UBE3D: variants seen among roughly 807,000 people sequenced by gnomAD.
UBE3D encodes the protein E3 ubiquitin-protein ligase E3D.
In UBE3D, 48 loss-of-function variants were observed where a neutral mutation model predicts 49.6. The ratio of observed to expected loss-of-function variants is 0.97; its 90% confidence interval spans 0.77 to 1.23. The LOEUF (loss-of-function observed/expected upper bound fraction) is 1.23. UBE3D is among the 50% of genes most tolerant of loss of function. The probability of loss-of-function intolerance (pLI) is 0.00; values close to 1 mark genes in which losing one functional copy is unlikely to be tolerated. For missense variants in UBE3D, 452 were observed against 468.4 expected (o/e 0.96, Z 0.32); for synonymous variants, 189 against 174.2 (o/e 1.08, Z -0.67).
chr6:82,887,389 G>GTTTTTTTTTT, the UBE3D span, among the ~76,000 whole-genome samples: 1 of 98,330 alleles, frequency 1.0e-5, no homozygotes, highest in African/African-American at 5.1e-5. Context: ...GACAGTAACA[G>GTTTTTTTTTT]TTTTTTTTTT....
At chr6:83,019,296 A>ACC (rs1050331294) in intron 7 of UBE3D, among the ~76,000 whole-genome samples, 160 bp from the exon 8 acceptor site, 4 of 151,718 alleles carry the variant, frequency 2.6e-5, no homozygotes, top group African/African-American at 9.7e-5. Flanking sequence ...TCAAAACATA[A>ACC]CTCTCGGTAG....
rs1775443672 is a variant in UBE3D, at chr6:82,946,870, G to T, written c.1149+10442C>A. ...GCCTAAAATAATGAATTATAAGATAGTTTTTGCAAACCTCATGTTAACAAA... is the reference window on the plus strand; with the variant it reads ...GCCTAAAATAATGAATTATAAGATATTTTTTGCAAACCTCATGTTAACAAA... On this transcript the variant is annotated intron_variant, in intron 9 of 9. Transcript: ENST00000369747. Among the ~76,000 whole-genome samples the T allele has an allele frequency of 1.3e-5, 2 of 151,282 alleles. 1 individual carries two copies. The highest frequency in any genetic ancestry group is 4.2e-4 in the South Asian group (2 of 4,798).
At chr6:82,975,282 T>C (rs1459192003) in intron 8 of UBE3D, among the ~76,000 whole-genome samples, 1 of 152,154 alleles carries the variant, frequency 6.6e-6, no homozygotes, top group Non-Finnish European at 1.5e-5. Context: ...AAATGATGAC[T>C]GTAGATTTAA....
intron 8 of UBE3D, among the ~76,000 whole-genome samples, chr6:82,958,254 A>G (rs1040970722): frequency 6.6e-6 from 1 of 152,280 alleles, no homozygotes; most frequent in South Asian, 2.1e-4. Flanking sequence ...AAAAATAATT[A>G]TGAGAAAATA....
At chr6:83,047,852 G>A (rs1783172996) in intron 3 of UBE3D, among the ~76,000 whole-genome samples, 1 of 152,046 alleles carries the variant, frequency 6.6e-6, no homozygotes, top group South Asian at 2.1e-4. Flanking sequence ...GGAGGCCCAG[G>A]CGGGCGGATT....
intron 5 of UBE3D, among the ~76,000 whole-genome samples, chr6:83,026,777 G>A (rs947575975): frequency 2.6e-5 from 4 of 152,032 alleles, no homozygotes; most frequent in Admixed American, 6.5e-5. Context: ...ACTGTACCTC[G>A]AACCCCTGGG....
At chr6:82,933,800 A>G (rs1276131891) in intron 9 of UBE3D, among the ~76,000 whole-genome samples, 3 of 152,204 alleles carry the variant, frequency 2.0e-5, no homozygotes, top group African/African-American at 7.2e-5. Context: ...ATATAAAATG[A>G]GAGAATTCCA....
intron 4 of UBE3D, among the ~76,000 whole-genome samples, chr6:83,043,303 T>G (rs1413879861): frequency 6.6e-6 from 1 of 151,984 alleles, no homozygotes; most frequent in African/African-American, 2.4e-5. Flanking sequence ...AAGATGAAAT[T>G]TAAAACACAT....
intron 1 of UBE3D, among the ~76,000 whole-genome samples, chr6:83,059,717 C>A (rs546446534): frequency 6.6e-6 from 1 of 151,748 alleles, no homozygotes; most frequent in Non-Finnish European, 1.5e-5. Context: ...TGGCCCAGCA[C>A]GGATTTGAGA....
chr6:82,989,917 G>A (rs1355996447), intron 8 of UBE3D, among the ~76,000 whole-genome samples: 1 of 152,164 alleles, frequency 6.6e-6, no homozygotes, highest in African/African-American at 2.4e-5. Flanking sequence ...CAGAGATTAA[G>A]GAGCCCTTTT....
rs184930405 is a variant in UBE3D, at chr6:82,997,981, C to T, written c.1010+20992G>A. On this transcript the variant is annotated intron_variant, in intron 8 of 9. Transcript: ENST00000369747. ...GGAATGATTGATTTTTTTTTAAGTA[C>T]GGGAATTTTTTCTGACATGGAGAGA... is the stretch of plus-strand genomic sequence containing the variant. Among the ~76,000 whole-genome samples, 318 of 151,950 alleles carry T rather than the reference C, an allele frequency of 2.1e-3. 3 individuals carry two copies. Among genetic ancestry groups the T allele is most frequent in the Non-Finnish European group, 4.0e-3 (270 of 67,966 alleles).
chr6:83,001,587 T>G (rs533103744), intron 8 of UBE3D, among the ~76,000 whole-genome samples: 1 of 152,338 alleles, frequency 6.6e-6, no homozygotes. Context: ...AACAGGATGC[T>G]GGGCAATATC....
chr6:82,958,705 C>T (rs897068368), intron 8 of UBE3D, among the ~76,000 whole-genome samples: 14 of 152,184 alleles, frequency 9.2e-5, no homozygotes, highest in African/African-American at 2.7e-4. Context: ...TCACCTCCAA[C>T]CCCCTTTTAG....
chr6:82,986,346 C>T (rs2127725573), intron 8 of UBE3D, among the ~76,000 whole-genome samples: 1 of 151,868 alleles, frequency 6.6e-6, no homozygotes, highest in South Asian at 2.1e-4. Context: ...TGGCACATGC[C>T]TGTAATCCGA....
rs1782420858 is a variant in UBE3D, at chr6:83,038,404, T to C, written c.667+12A>G. ...AGCCAATCATTTTGGCTTCTTGTTATGAAATTCTTACCTGATGACACGGTC... is the reference window on the plus strand; with the variant it reads ...AGCCAATCATTTTGGCTTCTTGTTACGAAATTCTTACCTGATGACACGGTC... On this transcript the variant is annotated intron_variant, in intron 5 of 9. Transcript: ENST00000369747. The C allele has an allele frequency of 2.5e-6, 4 of 1,607,412 alleles. No homozygotes were observed. The highest frequency in any genetic ancestry group is 1.3e-5 in the African/African-American group (1 of 74,734).
intron 8 of UBE3D, among the ~76,000 whole-genome samples, chr6:82,968,583 T>C (rs1777118138): frequency 6.6e-6 from 1 of 152,204 alleles, no homozygotes; most frequent in Non-Finnish European, 1.5e-5. Context: ...AGTGGTAATA[T>C]CAGATTGAGG....
At chr6:83,013,503 C>T (rs1304241408) in intron 8 of UBE3D, among the ~76,000 whole-genome samples, 2 of 152,166 alleles carry the variant, frequency 1.3e-5, no homozygotes, top group African/African-American at 4.8e-5. Context: ...GTTGCAGAGC[C>T]TTCTCCTGTT....
intron 9 of UBE3D, among the ~76,000 whole-genome samples, chr6:82,934,220 A>T (rs1182617075): frequency 6.6e-6 from 1 of 152,194 alleles, no homozygotes; most frequent in Non-Finnish European, 1.5e-5. Context: ...CACCATGATT[A>T]TAAATTTCCT....
intron 8 of UBE3D, among the ~76,000 whole-genome samples, chr6:83,013,307 T>C (rs1208792433): frequency 2.6e-5 from 4 of 152,190 alleles, no homozygotes; most frequent in Non-Finnish European, 5.9e-5. Flanking sequence ...AGAACAGTTA[T>C]CTGCAGAAGA....
Sources: allele counts gnomAD v4.1 joint callset (sites outside exome capture counted in the v4.1 genomes callset), GRCh38; gene constraint gnomAD v4.1.1; transcripts MANE v1.5; gene names NCBI Gene and HGNC (gene_info 2026-07-23, HGNC 2026-07-21).